Variants in SLC2A13 observed in about 807,000 individuals in gnomAD.
SLC2A13 encodes proton myo-inositol cotransporter.
In SLC2A13, 32 loss-of-function variants were observed where a neutral mutation model predicts 64.4. The observed-to-expected ratio is 0.50, with a 90% CI of 0.37 to 0.67. SLC2A13 has a LOEUF of 0.67. Ranked by LOEUF, SLC2A13 falls within the 30% of genes least tolerant of loss-of-function variation. The probability of loss-of-function intolerance (pLI) is 0.00; values close to 1 mark genes in which losing one functional copy is unlikely to be tolerated. For missense variants in SLC2A13, 743 were observed against 829.2 expected (o/e 0.90, Z 1.28); for synonymous variants, 338 against 327.1 (o/e 1.03, Z -0.36).
intron 3 of SLC2A13, among the ~76,000 whole-genome samples, chr12:39,979,626 A>C (rs1159576913): frequency 7.7e-6 from 1 of 129,900 alleles, no homozygotes; most frequent in Non-Finnish European, 1.6e-5. Context: ...TTAGAGAAAA[A>C]AGAATAAAAA....
chr12:39,964,076 A>G (rs552237216), intron 3 of SLC2A13, among the ~76,000 whole-genome samples: 6 of 152,278 alleles, frequency 3.9e-5, no homozygotes, highest in African/African-American at 1.4e-4. Flanking sequence ...GAAAGAGACG[A>G]TGTTTTCTGT....
chr12:39,973,015 C>T (rs1260944855), intron 3 of SLC2A13, among the ~76,000 whole-genome samples: 1 of 151,852 alleles, frequency 6.6e-6, no homozygotes, highest in African/African-American at 2.4e-5. Flanking sequence ...TGCAGTGAGC[C>T]GAGATCACAC....
intron 1 of SLC2A13, among the ~76,000 whole-genome samples, chr12:40,083,514 TC>T (rs1565620258): frequency 6.6e-6 from 1 of 152,172 alleles, no homozygotes; most frequent in African/African-American, 2.4e-5. Context: ...GGGCTGTATC[TC>T]AGCATCCATA....
intron 1 of SLC2A13, among the ~76,000 whole-genome samples, chr12:40,075,446 T>A (rs1938134120): frequency 6.6e-6 from 1 of 152,214 alleles, no homozygotes; most frequent in South Asian, 2.1e-4. Context: ...TCTCTTTAGG[T>A]CCAGGAAGAA....
intron 4 of SLC2A13, among the ~76,000 whole-genome samples, chr12:39,911,709 TTC>T (rs1945435500): frequency 6.6e-6 from 1 of 152,062 alleles, no homozygotes; most frequent in African/African-American, 2.4e-5. Context: ...TCTGAGAAGT[TTC>T]TGAGTATCAA....
At chr12:39,971,089 TTA>T (rs1946639404) in intron 3 of SLC2A13, among the ~76,000 whole-genome samples, 1 of 152,150 alleles carries the variant, frequency 6.6e-6, no homozygotes, top group Admixed American at 6.5e-5. Context: ...TCCCATATTA[TTA>T]TGTTTTTATT....
chr12:39,830,193 C>A lies in SLC2A13; in HGVS notation c.1355G>T (p.Gly452Val). 6.2e-7 allele frequency: 1 copy of A among 1,613,612 alleles called. No individual in the cohort carries two copies. The highest frequency in any genetic ancestry group is 1.3e-5 in the African/African-American group (1 of 75,004). Residue 452 changes from glycine to valine, a missense_variant, in exon 7 of 10, where the codon GGT becomes GTT. Gly to Val is a moderately radical substitution (Grantham distance 109). Transcript: ENST00000280871. ...CNECMLDPDC[G>V]FCYKMNKSTV... ...TGATTTGTTCATCTTGTAGCAGAAA[C>A]CGCAGTCTGGATCCAACATACATTC...
intron 6 of SLC2A13, among the ~76,000 whole-genome samples, chr12:39,844,530 T>C (rs1943256645): frequency 6.6e-6 from 1 of 152,092 alleles, no homozygotes; most frequent in African/African-American, 2.4e-5. Context: ...AACTCAGTGT[T>C]CTTTTTAGAA....
chr12:39,925,185 T>G (rs531306529), intron 4 of SLC2A13, among the ~76,000 whole-genome samples: 1 of 152,018 alleles, frequency 6.6e-6, no homozygotes, highest in South Asian at 2.1e-4. Context: ...GGGTACACCA[T>G]CATGCCCGGC....
intron 1 of SLC2A13, among the ~76,000 whole-genome samples, chr12:40,067,981 G>A (rs1189244371): frequency 6.6e-6 from 1 of 152,108 alleles, no homozygotes; most frequent in Non-Finnish European, 1.5e-5. Flanking sequence ...TTGACTCACT[G>A]CAGCCTCGAT....
chr12:40,050,607 A>T (rs1051455982), intron 1 of SLC2A13, among the ~76,000 whole-genome samples: 2 of 152,180 alleles, frequency 1.3e-5, no homozygotes, highest in African/African-American at 4.8e-5. Flanking sequence ...ATCTTATTTA[A>T]TCCTCAGGAT....
intron 1 of SLC2A13, among the ~76,000 whole-genome samples, chr12:40,088,251 A>T (rs1015487155): frequency 2.0e-5 from 3 of 152,240 alleles, no homozygotes; most frequent in Non-Finnish European, 2.9e-5. Context: ...GCTTGGTAGG[A>T]TCTGAACACT....
At chr12:40,041,791 G>T (rs376247365) in intron 2 of SLC2A13, among the ~76,000 whole-genome samples, 2 of 152,176 alleles carry the variant, frequency 1.3e-5, no homozygotes, top group South Asian at 2.1e-4. Flanking sequence ...TTAGTTCTGG[G>T]CATCACTGCC....
chr12:39,947,495 C>T (rs150285553), intron 4 of SLC2A13, among the ~76,000 whole-genome samples: 115 of 152,266 alleles, frequency 7.6e-4, no homozygotes, highest in Non-Finnish European at 1.2e-3. Flanking sequence ...TACCTACGTA[C>T]ACCTTTCCTC....
At chr12:40,013,642 T>C (rs529463329) in intron 3 of SLC2A13, among the ~76,000 whole-genome samples, 2 of 152,364 alleles carry the variant, frequency 1.3e-5, no homozygotes, top group East Asian at 3.9e-4. Context: ...TCTACAATGG[T>C]AAGCCACTCA....
At chr12:39,950,171 CCTT>C (rs1946203046) in intron 4 of SLC2A13, 1 of 152,104 alleles carries the variant, frequency 6.6e-6, no homozygotes, top group South Asian at 2.1e-4. Context: ...GGGTCCTAAT[CCTT>C]CTTTTTTAAA....
chr12:40,033,969 GCT>G (rs939173422), intron 2 of SLC2A13, among the ~76,000 whole-genome samples: 4 of 152,074 alleles, frequency 2.6e-5, no homozygotes, highest in African/African-American at 9.7e-5. Context: ...CCGCATTTGT[GCT>G]CTGTTTCTTT....
chr12:40,104,085 ACAAACAT>A (rs1168338902), intron 1 of SLC2A13, among the ~76,000 whole-genome samples: 5 of 152,192 alleles, frequency 3.3e-5, no homozygotes, highest in African/African-American at 1.2e-4. Flanking sequence ...GGTGAAAAGC[ACAAACAT>A]CAAACAAGTG....
In SLC2A13 at chr12:39,896,022, A is replaced by G. The variant is rs547949068; in HGVS notation, c.1035-24061T>C. Among the ~76,000 whole-genome samples the G allele has an allele frequency of 5.5e-3, 783 of 143,498 alleles. 15 individuals carry two copies. Among genetic ancestry groups the G allele is most frequent in the African/African-American group, 0.019 (743 of 38,602 alleles). 94.1% of individuals were successfully genotyped at this position (143,498 alleles called of 152,430 possible). A position where few individuals can be genotyped will look rare whatever the true frequency, so the allele number is the denominator to read the frequency against. On this transcript the variant is annotated intron_variant, in intron 4 of 9. Transcript: ENST00000280871. ...TGTATATATACATGTGTATATGTATACATACATGCATATGTTTATATACGC... is the reference window on the plus strand; with the variant it reads ...TGTATATATACATGTGTATATGTATGCATACATGCATATGTTTATATACGC...
Sources: allele counts gnomAD v4.1 joint callset (sites outside exome capture counted in the v4.1 genomes callset), GRCh38; gene constraint gnomAD v4.1.1; transcripts MANE v1.5; gene names NCBI Gene and HGNC (gene_info 2026-07-23, HGNC 2026-07-21).